TCERG1L: variants seen among roughly 807,000 people sequenced by gnomAD.
TCERG1L encodes transcription elongation regulator 1-like protein.
In TCERG1L, 37 loss-of-function variants were observed where a neutral mutation model predicts 56.3. The observed-to-expected ratio is 0.66, with a 90% CI of 0.51 to 0.87. The LOEUF (loss-of-function observed/expected upper bound fraction) is 0.87. TCERG1L is among the 40% of genes least tolerant of loss of function. The pLI is 0.00. For synonymous variants in TCERG1L, 324 were observed against 326.3 expected, an observed-to-expected ratio of 0.99 and a Z score of 0.08; for missense variants, 799 against 774.2, an observed-to-expected ratio of 1.03 and a Z score of -0.38.
chr10:131,168,352 A>G (rs1357659479), intron 4 of TCERG1L, among the ~76,000 whole-genome samples: 1 of 152,148 alleles, frequency 6.6e-6, no homozygotes, highest in Non-Finnish European at 1.5e-5. Context: ...GGAGATTTGC[A>G]TAGCTCTGCA....
Position 131,309,199 on chromosome 10 carries a change from G to A in TCERG1L, c.443C>T (p.Thr148Ile), listed in dbSNP as rs138787532. The A allele has an allele frequency of 3.1e-6, 5 of 1,610,940 alleles. No individual in the cohort carries two copies. Among genetic ancestry groups the A allele is most frequent in the Non-Finnish European group, 4.2e-6 (5 of 1,178,918 alleles). ...FPHLCPSALA[T>I]PIGKSWIDKR... ...GTCTATCCAACTTTTCCCAATAGGG[G>A]TTGCAAGAGCAGAAGGGCAGAGATG... The change falls in exon 2 of 12, where the codon ACC (threonine) becomes ATC (isoleucine). Residue 148 changes from threonine (T) to isoleucine (I), a missense_variant. Thr to Ile is a moderately conservative substitution (Grantham distance 89). Transcript: ENST00000368642.
chr10:131,098,431 A>T lies in TCERG1L; in HGVS notation c.1486-7T>A. 6.5e-7 allele frequency: 1 copy of T among 1,537,320 alleles called. No homozygotes were observed. ...TGACAAACTGTTCAAATATCTTAAA[A>T]CACAGATACAGAAGAAAAACATCAT... On this transcript the variant is annotated splice_polypyrimidine_tract_variant and splice_region_variant and intron_variant, in intron 10 of 11. Coordinates refer to ENST00000368642, the MANE Select transcript of TCERG1L (RefSeq NM_174937.4).
intron 3 of TCERG1L, among the ~76,000 whole-genome samples, chr10:131,299,512 T>C (rs1441271203): frequency 6.6e-6 from 1 of 152,090 alleles, no homozygotes; most frequent in South Asian, 2.1e-4. Context: ...CTTTCGAAGA[T>C]ATATCTTTCG....
chr10:131,300,627 A>G (rs1209642789), intron 3 of TCERG1L, among the ~76,000 whole-genome samples: 1 of 152,054 alleles, frequency 6.6e-6, no homozygotes, highest in East Asian at 1.9e-4. Flanking sequence ...TCTCCTTTCC[A>G]TGAGTTAATT....
intron 4 of TCERG1L, among the ~76,000 whole-genome samples, chr10:131,170,048 G>C (rs576222438): frequency 6.6e-6 from 1 of 152,152 alleles, no homozygotes; most frequent in Admixed American, 6.5e-5. Flanking sequence ...AAAGCCCCCA[G>C]TCACAGACAC....
chr10:131,208,921 G>A (rs940569474), intron 4 of TCERG1L, among the ~76,000 whole-genome samples: 3 of 152,134 alleles, frequency 2.0e-5, no homozygotes, highest in African/African-American at 7.2e-5. Context: ...AGCCAGGCGT[G>A]GTGGCAGGCG....
rs1001523873 is a variant in TCERG1L at position 131,311,580 on chromosome 10, G to GGCTGCT, written c.50_55dup (p.Gln17_Gln18dup). ...CCAGAGGAGAGGCTGCCGCCGCCGG[G>GGCTGCT]GCTGCTGCTGCTGCAGCTGCCGCCG... On this transcript the variant is annotated inframe_insertion, in exon 1 of 12. Coordinates refer to ENST00000368642, the MANE Select transcript of TCERG1L (RefSeq NM_174937.4). The surrounding 1 kb of genome is among the most constrained non-coding windows in gnomAD (Gnocchi z 4.0). 2.9e-5 allele frequency: 34 copies of GGCTGCT among 1,157,802 alleles called. No individual in the cohort carries two copies. Among genetic ancestry groups the GGCTGCT allele is most frequent in the Admixed American group, 4.8e-5 (1 of 20,928 alleles). 71.7% of individuals were successfully genotyped at this position (1,157,802 alleles called of 1,614,324 possible).
At chr10:131,256,508 C>T (rs1457311873) in intron 4 of TCERG1L, among the ~76,000 whole-genome samples, 1 of 152,188 alleles carries the variant, frequency 6.6e-6, no homozygotes, top group Non-Finnish European at 1.5e-5. Context: ...ACCAAAAGTA[C>T]TCACTCATAT....
intron 4 of TCERG1L, among the ~76,000 whole-genome samples, chr10:131,240,141 C>T (rs1483130445): frequency 6.6e-6 from 1 of 152,158 alleles, no homozygotes; most frequent in Non-Finnish European, 1.5e-5. Context: ...TAGTTATCCC[C>T]GCTGGCTTCC....
At chr10:131,201,219 C>T (rs1041704601) in intron 4 of TCERG1L, among the ~76,000 whole-genome samples, 4 of 152,104 alleles carry the variant, frequency 2.6e-5, no homozygotes, top group Admixed American at 6.5e-5. Context: ...AAAGTGAGCC[C>T]CCAAAACACA....
At chr10:131,107,898 C>T (rs1845369206) in intron 9 of TCERG1L, among the ~76,000 whole-genome samples, 1 of 152,012 alleles carries the variant, frequency 6.6e-6, no homozygotes, top group Non-Finnish European at 1.5e-5. Context: ...CATAGTTGCA[C>T]AAATGCACAC....
chr10:131,137,475 C>T (rs1449297699), intron 7 of TCERG1L, among the ~76,000 whole-genome samples: 4 of 152,180 alleles, frequency 2.6e-5, no homozygotes, highest in Non-Finnish European at 4.4e-5. Context: ...CACCTCGTGG[C>T]GTTTGAAATC....
intron 9 of TCERG1L, among the ~76,000 whole-genome samples, chr10:131,105,357 G>A (rs538823858): frequency 9.9e-5 from 15 of 152,252 alleles, no homozygotes; most frequent in East Asian, 1.9e-4. Context: ...GAAGGACATC[G>A]CCATACACAG....
intron 9 of TCERG1L, among the ~76,000 whole-genome samples, chr10:131,115,142 G>A (rs1362895093): frequency 1.3e-5 from 2 of 152,230 alleles, no homozygotes; most frequent in Non-Finnish European, 2.9e-5. Flanking sequence ...GGCATGTGCC[G>A]ATATAGGCAA....
At chr10:131,159,762 TG>T (rs1387981664) in intron 6 of TCERG1L, among the ~76,000 whole-genome samples, 6 of 152,124 alleles carry the variant, frequency 3.9e-5, no homozygotes, top group African/African-American at 1.4e-4. Flanking sequence ...TTCCCAGGCC[TG>T]CGTGCATCAT....
intron 3 of TCERG1L, among the ~76,000 whole-genome samples, chr10:131,307,886 T>C (rs1234285066): frequency 6.6e-6 from 1 of 151,902 alleles, no homozygotes. Context: ...AAGAGTAGAC[T>C]GATCAATTAG....
intron 4 of TCERG1L, among the ~76,000 whole-genome samples, chr10:131,193,323 G>A (rs1016504230): frequency 1.3e-5 from 2 of 152,112 alleles, no homozygotes; most frequent in African/African-American, 2.4e-5. Flanking sequence ...TGTTCACTAC[G>A]TTGACAATTT....
intron 7 of TCERG1L, among the ~76,000 whole-genome samples, chr10:131,144,843 G>C (rs1053978863): frequency 3.9e-5 from 6 of 152,134 alleles, no homozygotes; most frequent in Admixed American, 3.9e-4. Context: ...AGGAGACGGA[G>C]CATCGAGCTA....
chr10:131,218,596 C>G (rs1439377139), intron 4 of TCERG1L, among the ~76,000 whole-genome samples: 1 of 152,216 alleles, frequency 6.6e-6, no homozygotes, highest in South Asian at 2.1e-4. Flanking sequence ...CAAGTTCAAG[C>G]GATTCTCCTG....
Sources: allele counts gnomAD v4.1 joint callset (sites outside exome capture counted in the v4.1 genomes callset), GRCh38; gene constraint gnomAD v4.1.1; non-coding constraint Gnocchi (gnomAD v3.1); transcripts MANE v1.5; gene names NCBI Gene and HGNC (gene_info 2026-07-23, HGNC 2026-07-21).